Variants in SGCZ observed in about 807,000 individuals in gnomAD.
SGCZ encodes sarcoglycan zeta, also known as zeta-sarcoglycan.
SGCZ carries 40 observed loss-of-function variants against 41.3 expected under a neutral mutation model. The ratio of observed to expected loss-of-function variants is 0.97; its 90% CI spans 0.75 to 1.26. SGCZ has a LOEUF of 1.26. Ranked by LOEUF, SGCZ falls within the 50% of genes most tolerant of loss-of-function variation. The pLI, the probability that SGCZ is intolerant of heterozygous loss-of-function variation, is 0.00. For synonymous variants in SGCZ, 206 were observed against 137.5 expected (o/e 1.50, Z -3.49); for missense variants, 552 against 369.8 (o/e 1.49, Z -4.04).
intron 1 of SGCZ, among the ~76,000 whole-genome samples, chr8:15,209,403 T>C (rs1334966004): frequency 1.9e-5 from 1 of 53,496 alleles, no homozygotes; most frequent in Non-Finnish European, 5.0e-5. Flanking sequence ...CACATTTTAT[T>C]CCCATATCTC....
At chr8:14,530,079 C>T (rs929114413) in intron 2 of SGCZ, among the ~76,000 whole-genome samples, 2 of 152,082 alleles carry the variant, frequency 1.3e-5, no homozygotes, top group Non-Finnish European at 1.5e-5. Context: ...CTGAAAGACG[C>T]TAAATAAATA....
At chr8:15,098,781 G>A (rs1399546154) in intron 1 of SGCZ, among the ~76,000 whole-genome samples, 5 of 152,020 alleles carry the variant, frequency 3.3e-5, no homozygotes, top group African/African-American at 7.2e-5. Context: ...GCCTCAGTTC[G>A]GGTGCCATGG....
intron 2 of SGCZ, among the ~76,000 whole-genome samples, chr8:14,551,590 A>C (rs867470166): frequency 3.0e-5 from 1 of 32,928 alleles, no homozygotes; most frequent in Non-Finnish European, 4.8e-5. Flanking sequence ...AATATATATA[A>C]TATATATTAT....
rs542625113 is a variant in SGCZ, at chr8:14,145,766, A to C, written c.547+18814T>G. 2.6e-5 allele frequency among the ~76,000 whole-genome samples: 4 copies of C among 152,312 alleles called. No individual in the cohort carries two copies. In the South Asian group the frequency reaches 8.3e-4, roughly 32 times the overall value. On this transcript the variant is annotated intron_variant, in intron 5 of 7. Transcript: ENST00000382080. ...TATCAAAGAGATTGAAATAATTAAA[A>C]AGAAGCAGGAATCCTGGAGCTGAAA...
At chr8:14,870,486 G>C (rs111509979) in intron 1 of SGCZ, among the ~76,000 whole-genome samples, 2,255 of 152,174 alleles carry the variant, frequency 0.015, 62 homozygotes, top group African/African-American at 0.05. Flanking sequence ...AAAAACCCTA[G>C]AAGAAAACCA....
At chr8:14,655,787 A>T (rs141055663) in intron 1 of SGCZ, among the ~76,000 whole-genome samples, 1 of 152,114 alleles carries the variant, frequency 6.6e-6, no homozygotes, top group Non-Finnish European at 1.5e-5. Context: ...TATCCTTAAC[A>T]CTAAGCAACC....
intron 2 of SGCZ, among the ~76,000 whole-genome samples, chr8:14,359,467 C>A (rs1161703800): frequency 6.6e-6 from 1 of 151,936 alleles, no homozygotes; most frequent in Non-Finnish European, 1.5e-5. Context: ...AAGGACAAAC[C>A]ATACGTTATG....
At chr8:14,728,331 T>C (rs1166361571) in intron 1 of SGCZ, among the ~76,000 whole-genome samples, 1 of 148,394 alleles carries the variant, frequency 6.7e-6, no homozygotes, top group Non-Finnish European at 1.5e-5. Flanking sequence ...GCTTTAAGCA[T>C]TCATCTCAAA....
At position 14,918,235 on chromosome 8, in the gene SGCZ, T is replaced by C. The variant is rs146069153; in HGVS notation, c.39+319350A>G. On this transcript the variant is annotated intron_variant, in intron 1 of 7. Coordinates refer to ENST00000382080, the MANE Select transcript of SGCZ (RefSeq NM_139167.4). ...TGAGACCGGCTGAATTTGAAGTAAA[T>C]ATAGCAGCAGAGTATCTATATTACC... Among the ~76,000 whole-genome samples, 88 of 152,256 alleles carry C rather than the reference T, an allele frequency of 5.8e-4. 1 individual carries two copies. The highest frequency in any genetic ancestry group is 1.1e-3 in the Admixed American group (17 of 15,292).
At chr8:14,620,875 G>C (rs1273878583) in intron 1 of SGCZ, among the ~76,000 whole-genome samples, 3 of 152,292 alleles carry the variant, frequency 2.0e-5, no homozygotes, top group Admixed American at 6.5e-5. Context: ...GTGGAAGACA[G>C]TGTGGTGGTT....
intron 4 of SGCZ, among the ~76,000 whole-genome samples, chr8:14,166,865 A>G (rs576896491): frequency 6.6e-6 from 1 of 152,310 alleles, no homozygotes; most frequent in South Asian, 2.1e-4. Context: ...AGCAAAGGCA[A>G]ATAAGCAAAC....
chr8:14,217,085 A>G (rs1806020978), intron 4 of SGCZ, among the ~76,000 whole-genome samples: 1 of 152,116 alleles, frequency 6.6e-6, no homozygotes, highest in Admixed American at 6.6e-5. Flanking sequence ...CAGGGGATAG[A>G]GACCATCCTG....
intron 1 of SGCZ, among the ~76,000 whole-genome samples, chr8:15,005,328 C>CTTTTTTTTTTTT (rs10603664): frequency 2.5e-5 from 2 of 78,726 alleles, no homozygotes; most frequent in African/African-American, 5.0e-5. Flanking sequence ...TTTTCTTTTT[C>CTTTTTTTTTTTT]TTTTTTTTTT....
chr8:14,183,523 C>G (rs1804799418), intron 4 of SGCZ, among the ~76,000 whole-genome samples: 1 of 152,078 alleles, frequency 6.6e-6, no homozygotes, highest in Non-Finnish European at 1.5e-5. Context: ...TATATTTACT[C>G]TGGGAATGTA....
intron 2 of SGCZ, among the ~76,000 whole-genome samples, chr8:14,437,592 T>C (rs1251246929): frequency 6.6e-6 from 1 of 152,014 alleles, no homozygotes; most frequent in Non-Finnish European, 1.5e-5. Context: ...AAAGAAAAAT[T>C]TTCTGTTTTA....
intron 3 of SGCZ, among the ~76,000 whole-genome samples, chr8:14,264,953 ACT>A (rs1218887635): frequency 3.3e-5 from 5 of 152,160 alleles, no homozygotes; most frequent in East Asian, 1.9e-4. Context: ...ACAGAGCGAG[ACT>A]CTGTCTCAAA....
At chr8:14,440,343 A>C (rs191197047) in intron 2 of SGCZ, among the ~76,000 whole-genome samples, 3 of 152,246 alleles carry the variant, frequency 2.0e-5, no homozygotes, top group Non-Finnish European at 4.4e-5. Context: ...GCTTAAGGAA[A>C]TCTTAGATAA....
intron 2 of SGCZ, among the ~76,000 whole-genome samples, chr8:14,379,734 A>G (rs991665560): frequency 2.6e-5 from 4 of 151,906 alleles, no homozygotes; most frequent in Non-Finnish European, 4.4e-5. Context: ...TTATATATAT[A>G]TACATATATA....
intron 1 of SGCZ, among the ~76,000 whole-genome samples, chr8:14,563,427 G>A (rs535248747): frequency 4.6e-5 from 7 of 152,168 alleles, no homozygotes; most frequent in African/African-American, 1.7e-4. Context: ...GAAAAAAGTC[G>A]TTAAGGAAAT....
Sources: gnomAD v4.1 joint callset for allele counts (sites outside exome capture counted in the v4.1 genomes callset) on GRCh38, gnomAD v4.1.1 for gene constraint, MANE v1.5 for transcripts, NCBI Gene and HGNC (gene_info 2026-07-23, HGNC 2026-07-21) for gene names.